FBXO10: variants seen among roughly 807,000 people sequenced by gnomAD.
FBXO10 encodes F-box only protein 10.
A neutral mutation model predicts 80.7 loss-of-function variants in FBXO10; 39 were observed. The observed-to-expected ratio is 0.48, with a 90% CI of 0.37 to 0.63. The LOEUF is 0.63. Among genes scored for constraint, FBXO10 ranks in the 30% least tolerant of loss-of-function variants. FBXO10 has a pLI of 0.00. For missense variants in FBXO10, 1,025 were observed against 1,269.0 expected, an observed-to-expected ratio of 0.81 and a Z score of 2.92; for synonymous variants, 449 against 489.6, an observed-to-expected ratio of 0.92 and a Z score of 1.09.
intron 3 of FBXO10, among the ~76,000 whole-genome samples, chr9:37,533,900 C>T (rs913294666): frequency 1.4e-4 from 21 of 150,602 alleles, no homozygotes; most frequent in Admixed American, 2.7e-4. Flanking sequence ...AAAAACACAA[C>T]CAACAAACAA....
At position 37,512,433 on chromosome 9, in the gene FBXO10, C is replaced by A; in HGVS notation, c.*114G>T. The A allele has an allele frequency of 2.5e-6, 3 of 1,206,658 alleles. No homozygotes were observed. In the South Asian group the frequency reaches 4.4e-5, roughly 18 times the overall value. 74.7% of individuals were successfully genotyped at this position (1,206,658 alleles called of 1,614,324 possible). ...CTGGAGGTACCGTGTTTTGGAGGCC[C>A]GGGACCCATTTGTTCGAGGGGGAGG... On this transcript the variant is annotated 3_prime_UTR_variant, in exon 11 of 11. Coordinates refer to ENST00000432825, the MANE Select transcript of FBXO10 (RefSeq NM_012166.3).
chr9:37,569,861 G>C (rs537270180), intron 1 of FBXO10, among the ~76,000 whole-genome samples: 2 of 152,150 alleles, frequency 1.3e-5, no homozygotes, highest in South Asian at 4.2e-4. Context: ...ACCAAAAACA[G>C]AACAAGCTCA....
chr9:37,541,698 C>T lies in FBXO10; in HGVS notation c.71G>A (p.Gly24Asp). 1 of 1,613,842 alleles carries T rather than the reference C, an allele frequency of 6.2e-7. No individual in the cohort carries two copies. The highest frequency in any genetic ancestry group is 2.2e-5 in the East Asian group (1 of 44,880). Residue 24 changes from glycine to aspartate, a missense_variant, in exon 2 of 11, where the codon GGC (glycine) becomes GAC (aspartate). By Grantham distance (94) the Gly-to-Asp change is moderately conservative (BLOSUM62 -1). Coordinates refer to ENST00000432825, the MANE Select transcript of FBXO10 (RefSeq NM_012166.3). ...ILAYLHLPDL[G>D]RCSLVCRAWY... ...GGCCCTGCATACCAGGCTGCAGCGG[C>T]CCAGGTCGGGAAGGTGCAAGTAGGC...
chr9:37,515,728 G>A (rs941411650), intron 10 of FBXO10, 176 bp downstream of exon 10: 4 of 644,126 alleles, frequency 6.2e-6, no homozygotes, highest in African/African-American at 5.5e-5. Context: ...CCCTCCTGGG[G>A]AGTCCTCAGC....
chr9:37,538,007 C>G, intron 2 of FBXO10, 64 bp from the exon 3 acceptor site: 2 of 1,291,246 alleles, frequency 1.5e-6, no homozygotes, highest in Non-Finnish European at 2.2e-6. Flanking sequence ...CTCTAGCTGC[C>G]CTTTAAGGAG....
Position 37,533,727 on chromosome 9 carries a change from CTGGGCG to C in FBXO10, c.1420-1675_1420-1670del, listed in dbSNP as rs552771965. Among the ~76,000 whole-genome samples, 63 of 152,066 alleles carry C rather than the reference CTGGGCG, an allele frequency of 4.1e-4. 2 individuals are homozygous for C. The Middle Eastern group carries it at 0.01, about 25-fold the overall frequency. Reference sequence around the variant, plus strand: ...CTCTACTAAAAATACAACAAATTAGCTGGGCGTGGTGGCTCATGCCTGTAGTTTCAG... The same window carrying C: ...CTCTACTAAAAATACAACAAATTAGCTGGTGGCTCATGCCTGTAGTTTCAG... On this transcript the variant is annotated intron_variant, in intron 3 of 10. Transcript: ENST00000432825.
intron 3 of FBXO10, among the ~76,000 whole-genome samples, chr9:37,535,079 A>T (rs16934265): frequency 3.3e-5 from 5 of 152,138 alleles, no homozygotes; most frequent in African/African-American, 9.6e-5. Context: ...GCACAAAGGA[A>T]GATCTGAAGC....
intron 1 of FBXO10, among the ~76,000 whole-genome samples, chr9:37,559,682 A>G (rs549974018): frequency 6.6e-6 from 1 of 152,360 alleles, no homozygotes. Flanking sequence ...TTTGAGTAGA[A>G]GAGATGTGCG....
intron 1 of FBXO10, among the ~76,000 whole-genome samples, chr9:37,575,891 C>T (rs960561583): frequency 6.6e-6 from 1 of 152,222 alleles, no homozygotes; most frequent in African/African-American, 2.4e-5. Flanking sequence ...ACTTTACTTA[C>T]ACACTCGAAA....
At chr9:37,559,854 C>T (rs1822433694) in intron 1 of FBXO10, among the ~76,000 whole-genome samples, 1 of 152,214 alleles carries the variant, frequency 6.6e-6, no homozygotes, top group Non-Finnish European at 1.5e-5. Flanking sequence ...CCAAGATGGA[C>T]AAACACCATG....
intron 1 of FBXO10, among the ~76,000 whole-genome samples, chr9:37,553,012 T>TTGTGTG (rs74171513): frequency 0.01 from 1,493 of 144,452 alleles, 12 homozygotes; most frequent in Non-Finnish European, 0.015. Flanking sequence ...CCAATTCAGG[T>TTGTGTG]TGTGTGTGTG....
intron 5 of FBXO10, among the ~76,000 whole-genome samples, chr9:37,527,384 C>T (rs1196622124): frequency 1.3e-5 from 2 of 152,170 alleles, no homozygotes; most frequent in African/African-American, 4.8e-5. Context: ...ATTCAAGGTC[C>T]TCTGCCGTCC....
chr9:37,522,518 T>C, intron 7 of FBXO10: 1 of 1,128,524 alleles, frequency 8.9e-7, no homozygotes, highest in African/African-American at 1.6e-5. Flanking sequence ...TAAGAGGAGT[T>C]AGATGCACAT....
chr9:37,571,742 T>TATATA (rs1822764331), intron 1 of FBXO10, among the ~76,000 whole-genome samples: 2 of 143,848 alleles, frequency 1.4e-5, no homozygotes, highest in Non-Finnish European at 1.5e-5. Context: ...TATATATATA[T>TATATA]ATATATTTCC....
chr9:37,553,688 C>G (rs1822264355), intron 1 of FBXO10, among the ~76,000 whole-genome samples: 1 of 150,602 alleles, frequency 6.6e-6, no homozygotes, highest in African/African-American at 2.4e-5. Flanking sequence ...GGCAGATCAC[C>G]AGAGGTCGGG....
intron 1 of FBXO10, among the ~76,000 whole-genome samples, chr9:37,545,320 G>A (rs375343562): frequency 1.2e-3 from 184 of 151,810 alleles, no homozygotes; most frequent in South Asian, 7.5e-3. Context: ...GGGATTACAG[G>A]CGCACACCGC....
chr9:37,555,016 A>G (rs1478057371), intron 1 of FBXO10, among the ~76,000 whole-genome samples: 1 of 152,176 alleles, frequency 6.6e-6, no homozygotes, highest in Non-Finnish European at 1.5e-5. Flanking sequence ...GCCTACCAAG[A>G]AAGAATAAGA....
intron 1 of FBXO10, among the ~76,000 whole-genome samples, chr9:37,550,652 T>C (rs62534401): frequency 0.064 from 9,678 of 151,900 alleles, 342 homozygotes; most frequent in African/African-American, 0.089. Flanking sequence ...CTAATTTTTG[T>C]AGTTTTTGTA....
chr9:37,516,611 A>G (rs528289349), intron 9 of FBXO10, among the ~76,000 whole-genome samples: 25 of 152,316 alleles, frequency 1.6e-4, no homozygotes, highest in Admixed American at 7.2e-4. Context: ...TAGCAGGACA[A>G]TTTACAATTG....
Sources: allele counts gnomAD v4.1 joint callset (sites outside exome capture counted in the v4.1 genomes callset), GRCh38; gene constraint gnomAD v4.1.1; transcripts MANE v1.5; gene names NCBI Gene and HGNC (gene_info 2026-07-23, HGNC 2026-07-21).